ITGB4: variants seen among roughly 807,000 people sequenced by gnomAD.
ITGB4 encodes integrin subunit beta 4.
ITGB4 carries 159 observed loss-of-function variants against 207.6 expected under a neutral mutation model. That is an observed-to-expected ratio of 0.77 (90% CI 0.67 to 0.87). The LOEUF is 0.87. ITGB4 is among the 40% of genes least tolerant of loss of function. The pLI, the probability that ITGB4 is intolerant of heterozygous loss-of-function variation, is 0.00. For missense variants in ITGB4, 2,278 were observed against 2,546.8 expected, an observed-to-expected ratio of 0.89 and a Z score of 2.27; for synonymous variants, 1,020 against 1,062.7, an observed-to-expected ratio of 0.96 and a Z score of 0.78.
chr17:75,741,976 G>A (rs1438377526), intron 23 of ITGB4, among the ~76,000 whole-genome samples: 1 of 152,204 alleles, frequency 6.6e-6, no homozygotes, highest in African/African-American at 2.4e-5. Flanking sequence ...GGCTCAAAAG[G>A]GTTAAGTGAC....
chr17:75,736,815 C>T, intron 16 of ITGB4, 121 bp downstream of exon 16: 1 of 1,100,202 alleles, frequency 9.1e-7, no homozygotes, highest in Non-Finnish European at 1.3e-6. Flanking sequence ...ACAGTCCGGA[C>T]AGGAACTCCA....
Position 75,736,332 on chromosome 17 carries a change from C to G in ITGB4, c.1806C>G (p.His602Gln), listed in dbSNP as rs371043426. ...GCCACTGTGAGTGTGGCCGCTGCCA[C>G]TGCCACCAGCAGTCGCTCTACACGG... ...GRGHCECGRC[H>Q]CHQQSLYTDT... Residue 602 changes from histidine to glutamine, a missense_variant, in exon 15 of 40, where the codon CAC becomes CAG. His to Gln is a conservative substitution (Grantham distance 24). Transcript: ENST00000200181. 6.2e-7 allele frequency: 1 copy of G among 1,613,658 alleles called. No individual in the cohort carries two copies. The highest frequency in any genetic ancestry group is 1.3e-5 in the African/African-American group (1 of 74,866).
chr17:75,750,225 A>AT lies in ITGB4; in HGVS notation c.3434dup (p.Asn1146GlnfsTer21), dbSNP rs1184323272. ...AAGGCCGCTGGGTCCAGGAAGATCC[A>AT]TTTCAACTGGCTGCCCCCTTCTGGC... On this transcript the variant is annotated frameshift_variant, in exon 28 of 40. Transcript: ENST00000200181. LOFTEE classifies it high-confidence loss of function. This position sits in a 1 kb window ranked among gnomAD's most constrained non-coding sequence, Gnocchi z 5.5. 6.2e-7 allele frequency: 1 copy of AT among 1,613,740 alleles called. No individual in the cohort carries two copies.
rs1415136026 is a variant in ITGB4 at position 75,739,358 on chromosome 17, A to G, written c.2221-314A>G. Among the ~76,000 whole-genome samples the G allele has an allele frequency of 6.6e-6, 1 of 151,968 alleles. No individual in the cohort carries two copies. The highest frequency in any genetic ancestry group is 1.5e-5 in the Non-Finnish European group (1 of 67,978). On this transcript the variant is annotated intron_variant, in intron 18 of 39. Coordinates refer to ENST00000200181, the MANE Select transcript of ITGB4 (RefSeq NM_000213.5). This position sits in a 1 kb window ranked among gnomAD's most constrained non-coding sequence, Gnocchi z 5.4. Reference sequence around the variant, plus strand: ...CAGGACTTCTCAGAGGCTTTGATAAAGTCCTGTGCCTAACCTGCAAGAGGG... The same window carrying G: ...CAGGACTTCTCAGAGGCTTTGATAAGGTCCTGTGCCTAACCTGCAAGAGGG...
Position 75,727,591 on chromosome 17 carries a change from G to A in ITGB4, c.265-60G>A, listed in dbSNP as rs939494246. 5 of 1,580,422 alleles carry A rather than the reference G, an allele frequency of 3.2e-6. No homozygotes were observed. In the African/African-American group the frequency reaches 5.4e-5, roughly 17 times the overall value. On this transcript the variant is annotated intron_variant, in intron 4 of 39. Coordinates refer to ENST00000200181, the MANE Select transcript of ITGB4 (RefSeq NM_000213.5). The surrounding 1 kb of genome is among the most constrained non-coding windows in gnomAD (Gnocchi z 6.0). ...TGTATAGTGCCCCTTGGCCGGGCTG[G>A]GCCCCCATCGGGCCTCCGGAGTGAC...
At chr17:75,749,182 G>T (rs1227542031) in intron 27 of ITGB4, 137 bp downstream of exon 27, 6 of 753,880 alleles carry the variant, frequency 8.0e-6, no homozygotes, top group Non-Finnish European at 1.3e-5. Flanking sequence ...CAACATACAC[G>T]TTGGTAGGAT....
At position 75,739,067 on chromosome 17, in the gene ITGB4, G is replaced by A. The variant is rs1276935283; in HGVS notation, c.2221-605G>A. Among the ~76,000 whole-genome samples, 8 of 152,206 alleles carry A rather than the reference G, an allele frequency of 5.3e-5. No homozygotes were observed. Among genetic ancestry groups the A allele is most frequent in the South Asian group, 2.1e-4 (1 of 4,824 alleles). ...CCCCAGCACTTTGGGAGGCCAAGGC[G>A]GGTGGATCACTTGAGGTCAGGAGTT... On this transcript the variant is annotated intron_variant, in intron 18 of 39. Transcript: ENST00000200181. The surrounding 1 kb of genome is among the most constrained non-coding windows in gnomAD (Gnocchi z 5.4).
In ITGB4 at chr17:75,748,959, G is replaced by A. The variant is rs201487753; in HGVS notation, c.3230G>A (p.Arg1077His). 54 of 1,613,362 alleles carry A rather than the reference G, an allele frequency of 3.3e-5. No individual in the cohort carries two copies. Among genetic ancestry groups the A allele is most frequent in the East Asian group, 1.6e-4 (7 of 44,870 alleles). Residue 1077 changes from arginine (R) to histidine (H), a missense_variant, in exon 27 of 40, where the codon CGC (arginine) becomes CAC (histidine). Arg to His is a conservative substitution (Grantham distance 29, BLOSUM62 0). Transcript: ENST00000200181. Reference sequence around the variant, plus strand: ...TCCCTCCTGCGGGGCCGCCAGGTCCGCCGTTTCCACGTCCAGCTCAGCAAC... The same window carrying A: ...TCCCTCCTGCGGGGCCGCCAGGTCCACCGTTTCCACGTCCAGCTCAGCAAC... ...VDSLLRGRQVRRFHVQLSNPK... is the reference protein window; with the variant it reads ...VDSLLRGRQVHRFHVQLSNPK...
In ITGB4 at chr17:75,736,330, C is replaced by T. The variant is rs2060974375; in HGVS notation, c.1804C>T (p.His602Tyr). Residue 602 changes from histidine (H) to tyrosine (Y), a missense_variant, in exon 15 of 40, where the codon CAC (histidine) becomes TAC (tyrosine). Coordinates refer to ENST00000200181, the MANE Select transcript of ITGB4 (RefSeq NM_000213.5). ...GRGHCECGRCHCHQQSLYTDT... is the reference protein window; with the variant it reads ...GRGHCECGRCYCHQQSLYTDT... ...TGGCCACTGTGAGTGTGGCCGCTGC[C>T]ACTGCCACCAGCAGTCGCTCTACAC... 3 of 1,613,140 alleles carry T rather than the reference C, an allele frequency of 1.9e-6. No homozygotes were observed. Among genetic ancestry groups the T allele is most frequent in the Admixed American group, 1.7e-5 (1 of 59,952 alleles).
At position 75,752,245 on chromosome 17, in the gene ITGB4, C is replaced by T. The variant is rs200409597; in HGVS notation, c.3865C>T (p.Arg1289Trp). The part of the protein sequence containing the change: ...KNRMLLIENL[R>W]ESQPYRYTVK... ...CCGGATGCTGCTTATTGAGAACCTT[C>T]GGGAGTCCCAGCCCTACCGCTACAC... Residue 1289 changes from arginine to tryptophan, a missense_variant, in exon 31 of 40, where the codon CGG (arginine) becomes TGG (tryptophan). Arg to Trp is a moderately radical substitution (Grantham distance 101). Coordinates refer to ENST00000200181, the MANE Select transcript of ITGB4 (RefSeq NM_000213.5). The T allele has an allele frequency of 1.9e-6, 3 of 1,613,676 alleles. No individual in the cohort carries two copies. Among genetic ancestry groups the T allele is most frequent in the Non-Finnish European group, 2.5e-6 (3 of 1,180,020 alleles).
chr17:75,754,616 C>T lies in ITGB4; in HGVS notation c.4359C>T (p.Gly1453=), dbSNP rs145760507. Residue 1453 remains glycine (G), a synonymous_variant, in exon 34 of 40, where the codon GGC becomes GGT. Coordinates refer to ENST00000200181, the MANE Select transcript of ITGB4 (RefSeq NM_000213.5). ...VNGRMDFAFP[G]STNSLHRMTT... The stretch of plus-strand genomic sequence containing the variant: ...GCCGGATGGACTTTGCCTTCCCGGG[C>T]AGCACCAACTCCCTGCACAGGATGA... 4.4e-5 allele frequency: 71 copies of T among 1,613,822 alleles called. No homozygotes were observed. The highest frequency in any genetic ancestry group is 5.6e-5 in the Non-Finnish European group (66 of 1,179,996).
chr17:75,750,563 C>A lies in ITGB4; in HGVS notation c.3475-117C>A. On this transcript the variant is annotated intron_variant, in intron 28 of 39. Transcript: ENST00000200181. The surrounding 1 kb of genome is among the most constrained non-coding windows in gnomAD (Gnocchi z 5.5). ...GTGTGCACATGGCAGATCTCTCAGC[C>A]CCTCCCTCGGGCCTCATCTGTGCAA... 2 of 956,556 alleles carry A rather than the reference C, an allele frequency of 2.1e-6. No individual in the cohort carries two copies. The highest frequency in any genetic ancestry group is 3.2e-6 in the Non-Finnish European group (2 of 615,470). The allele number at this position is 956,556 out of a possible 1,614,324, so 59.3% of individuals were successfully genotyped here. A position where few individuals can be genotyped will look rare whatever the true frequency, so the allele number is the denominator to read the frequency against.
At chr17:75,755,339 C>A in intron 34 of ITGB4, 1 of 1,029,336 alleles carries the variant, frequency 9.7e-7, no homozygotes, top group Non-Finnish European at 1.4e-6. Context: ...CCCGCCTGCC[C>A]ACAGGCGCTA....
Position 75,748,847 on chromosome 17 carries a change from A to T in ITGB4, c.3118A>T (p.Ile1040Phe). The T allele has an allele frequency of 6.2e-7, 1 of 1,609,544 alleles. No homozygotes were observed. The highest frequency in any genetic ancestry group is 8.5e-7 in the Non-Finnish European group (1 of 1,178,450). The change falls in exon 27 of 40, where the codon ATC becomes TTC. Residue 1040 changes from isoleucine to phenylalanine, a missense_variant. Ile to Phe is a conservative substitution (Grantham distance 21). Coordinates refer to ENST00000200181, the MANE Select transcript of ITGB4 (RefSeq NM_000213.5). Reference sequence around the variant, plus strand: ...TGACCCCCTCCACTCCCAGGACTACATCCCCGTGGAGGGTGAGCTGCTGTT... The same window carrying T: ...TGACCCCCTCCACTCCCAGGACTACTTCCCCGTGGAGGGTGAGCTGCTGTT... ...DGTAQGNRDYIPVEGELLFQP... is the reference protein window; with the variant it reads ...DGTAQGNRDYFPVEGELLFQP...
At position 75,727,145 on chromosome 17, in the gene ITGB4, T is replaced by C. The variant is rs1357874390; in HGVS notation, c.80-50T>C. On this transcript the variant is annotated intron_variant, in intron 2 of 39. Coordinates refer to ENST00000200181, the MANE Select transcript of ITGB4 (RefSeq NM_000213.5). This position sits in a 1 kb window ranked among gnomAD's most constrained non-coding sequence, Gnocchi z 6.0. Reference sequence around the variant, plus strand: ...GTGAAGGTGCAGGTGGGAAAGTGCTTGCCTTTGCTGAGCGCCTCCCCATTC... The same window carrying C: ...GTGAAGGTGCAGGTGGGAAAGTGCTCGCCTTTGCTGAGCGCCTCCCCATTC... 9 of 1,509,590 alleles carry C rather than the reference T, an allele frequency of 6.0e-6. No individual in the cohort carries two copies. Among genetic ancestry groups the C allele is most frequent in the Non-Finnish European group, 7.3e-6 (8 of 1,088,954 alleles). 93.5% of individuals were successfully genotyped at this position (1,509,590 alleles called of 1,614,324 possible). A position where few individuals can be genotyped will look rare whatever the true frequency, so the allele number is the denominator to read the frequency against.
In ITGB4 at chr17:75,754,688, G is replaced by C. The variant is rs2061446220; in HGVS notation, c.4431G>C (p.Val1477=). ...ATGGCACCCACCTGAGCCCACACGT[G>C]CCCCACCGCGTGCTAAGCACATCCT... The part of the protein sequence containing the change: ...AAYGTHLSPH[V]PHRVLSTSST... Residue 1477 remains valine (V), a synonymous_variant, in exon 34 of 40, where the codon GTG becomes GTC. Coordinates refer to ENST00000200181, the MANE Select transcript of ITGB4 (RefSeq NM_000213.5). 8 of 1,614,070 alleles carry C rather than the reference G, an allele frequency of 5.0e-6. No homozygotes were observed. The highest frequency in any genetic ancestry group is 2.2e-5 in the East Asian group (1 of 44,866).
chr17:75,748,681 C>A (rs1035722810), intron 26 of ITGB4, among the ~76,000 whole-genome samples, 160 bp from the exon 27 acceptor site: 7 of 150,516 alleles, frequency 4.7e-5, no homozygotes, highest in South Asian at 4.2e-4. Flanking sequence ...AAAAAAAAAA[C>A]AAACAAAAAA....
Position 75,740,222 on chromosome 17 carries a change from T to C in ITGB4, c.2447-136T>C. ...CCCTGTGCTGATGGTGCTATGAACCTCATGCCTCGGTGTGCGTGGCCTGCT... is the reference window on the plus strand; with the variant it reads ...CCCTGTGCTGATGGTGCTATGAACCCCATGCCTCGGTGTGCGTGGCCTGCT... On this transcript the variant is annotated intron_variant, in intron 20 of 39. Coordinates refer to ENST00000200181, the MANE Select transcript of ITGB4 (RefSeq NM_000213.5). This position sits in a 1 kb window ranked among gnomAD's most constrained non-coding sequence, Gnocchi z 5.9. 5 of 1,210,422 alleles carry C rather than the reference T, an allele frequency of 4.1e-6. No individual in the cohort carries two copies. Among genetic ancestry groups the C allele is most frequent in the Non-Finnish European group, 5.9e-6 (5 of 848,686 alleles). The allele number at this position is 1,210,422 out of a possible 1,614,324, so 75.0% of individuals were successfully genotyped here.
rs1243531833 is a variant in ITGB4, at chr17:75,727,580, T to G, written c.265-71T>G. ...ATTTATGGGGGTGTATAGTGCCCCT[T>G]GGCCGGGCTGGGCCCCCATCGGGCC... On this transcript the variant is annotated intron_variant, in intron 4 of 39. Transcript: ENST00000200181. The surrounding 1 kb of genome is among the most constrained non-coding windows in gnomAD (Gnocchi z 6.0). 3.8e-6 allele frequency: 6 copies of G among 1,584,712 alleles called. No homozygotes were observed. In the East Asian group the frequency reaches 1.4e-4, roughly 36 times the overall value.
Sources: allele counts gnomAD v4.1 joint callset (sites outside exome capture counted in the v4.1 genomes callset), GRCh38; gene constraint gnomAD v4.1.1; non-coding constraint Gnocchi (gnomAD v3.1); transcripts MANE v1.5; gene names NCBI Gene and HGNC (gene_info 2026-07-23, HGNC 2026-07-21).